The following BICRA variants were observed in gnomAD, a reference collection of about 807,000 sequenced individuals.
BICRA encodes the protein BRD4-interacting chromatin-remodeling complex-associated protein.
Under a neutral mutation model 96.9 loss-of-function variants are expected in BICRA, and 31 were observed. The ratio of observed to expected loss-of-function variants is 0.32; its 90% CI spans 0.24 to 0.43. The LOEUF (loss-of-function observed/expected upper bound fraction) is 0.43, where lower values mean the gene tolerates loss of function less well. Among genes scored for constraint, BICRA ranks in the 20% least tolerant of loss-of-function variants. The pLI is 1.00. For synonymous variants in BICRA, 1,350 were observed against 1,071.8 expected, an observed-to-expected ratio of 1.26 and a Z score of -5.07; for missense variants, 2,283 against 2,190.3, an observed-to-expected ratio of 1.04 and a Z score of -0.84.
At chr19:47,653,135 G>A (rs1018708824) in intron 1 of BICRA, among the ~76,000 whole-genome samples, 4 of 146,942 alleles carry the variant, frequency 2.7e-5, no homozygotes, top group African/African-American at 7.6e-5. Context: ...GCGATCCTCC[G>A]ACCTCAGACT....
rs1026192616 is a variant in BICRA, at chr19:47,657,966, C to A, written c.-107-12477C>A. Among the ~76,000 whole-genome samples, 3 of 151,704 alleles carry A rather than the reference C, an allele frequency of 2.0e-5. No homozygotes were observed. In the South Asian group the frequency reaches 6.2e-4, roughly 32 times the overall value. On this transcript the variant is annotated intron_variant, in intron 1 of 14. Transcript: ENST00000594866. ...TCCCTGAGTCTGTTTTGCTAGGGAACCTCTGATTCTCTTGACCTTCCCCTC... is the reference window on the plus strand; with the variant it reads ...TCCCTGAGTCTGTTTTGCTAGGGAAACTCTGATTCTCTTGACCTTCCCCTC...
Position 47,701,728 on chromosome 19 carries a change from GC to G in BICRA, c.4001del (p.Pro1334ArgfsTer26). 1.3e-6 allele frequency: 2 copies of G among 1,573,148 alleles called. No individual in the cohort carries two copies. Among genetic ancestry groups the G allele is most frequent in the Non-Finnish European group, 1.7e-6 (2 of 1,159,442 alleles). On this transcript the variant is annotated frameshift_variant, in exon 15 of 15. Transcript: ENST00000594866. LOFTEE classifies it high-confidence loss of function. This position sits in a 1 kb window ranked among gnomAD's most constrained non-coding sequence, Gnocchi z 5.4. ...HNTALDPVHQ[P>X]PPPPATLKVA... ...ACACGGCCCTGGACCCCGTGCACCA[GC>G]CCCCGCCACCCCCCGCTACCCTCAA... is the stretch of plus-strand genomic sequence containing the variant.
chr19:47,674,448 T>C (rs1020637961), intron 4 of BICRA, among the ~76,000 whole-genome samples: 1 of 152,208 alleles, frequency 6.6e-6, no homozygotes, highest in Non-Finnish European at 1.5e-5. Flanking sequence ...TGGGGAAAAG[T>C]AGAAGTCTGT....
chr19:47,680,483 A>G lies in BICRA; in HGVS notation c.1313A>G (p.Gln438Arg). 6.5e-7 allele frequency: 1 copy of G among 1,542,136 alleles called. No individual in the cohort carries two copies. Among genetic ancestry groups the G allele is most frequent in the Non-Finnish European group, 8.7e-7 (1 of 1,145,520 alleles). ...PATTTGAAPP[Q>R]PPGALSKPMS... ...ACCACCACCGGAGCGGCCCCGCCGC[A>G]GCCCCCCGGGGCCCTGAGCAAACCC... The change falls in exon 6 of 15, where the codon CAG (glutamine) becomes CGG (arginine). Residue 438 changes from glutamine (Q) to arginine (R), a missense_variant. Coordinates refer to ENST00000594866, the MANE Select transcript of BICRA (RefSeq NM_001394372.1).
chr19:47,659,712 AC>A (rs1568560921), intron 1 of BICRA, among the ~76,000 whole-genome samples: 2 of 147,942 alleles, frequency 1.4e-5, no homozygotes, highest in African/African-American at 5.0e-5. Context: ...ACACACACAC[AC>A]ACACACACAC....
intron 6 of BICRA, among the ~76,000 whole-genome samples, chr19:47,681,769 G>T (rs1156311547): frequency 6.6e-6 from 1 of 152,144 alleles, no homozygotes; most frequent in Non-Finnish European, 1.5e-5. Context: ...GCAGGGCAAC[G>T]TGGAGCTGGC....
chr19:47,671,395 T>C (rs1972859561), intron 2 of BICRA, among the ~76,000 whole-genome samples: 1 of 152,122 alleles, frequency 6.6e-6, no homozygotes, highest in South Asian at 2.1e-4. Context: ...TCAGTGAGGT[T>C]TGGGACCCCC....
In BICRA at chr19:47,701,716, C is replaced by T. The variant is rs1202389739; in HGVS notation, c.3984C>T (p.Asp1328=). 6.3e-6 allele frequency: 10 copies of T among 1,592,312 alleles called. No homozygotes were observed. The highest frequency in any genetic ancestry group is 8.5e-6 in the Non-Finnish European group (10 of 1,170,124). ...AGGTCGTGCACAACACGGCCCTGGA[C>T]CCCGTGCACCAGCCCCCGCCACCCC... ...LSKVVHNTAL[D]PVHQPPPPPA... Residue 1328 remains aspartate (D), a synonymous_variant, in exon 15 of 15, where the codon GAC becomes GAT. Transcript: ENST00000594866. The surrounding 1 kb of genome is among the most constrained non-coding windows in gnomAD (Gnocchi z 5.4).
intron 1 of BICRA, among the ~76,000 whole-genome samples, chr19:47,668,993 A>G (rs1234329424): frequency 1.3e-5 from 2 of 151,840 alleles, no homozygotes; most frequent in African/African-American, 2.4e-5. Flanking sequence ...TATCCCAGCT[A>G]CTCAGGAGGC....
Position 47,695,356 on chromosome 19 carries a change from C to A in BICRA, c.3077-9C>A. The A allele has an allele frequency of 3.6e-6, 3 of 844,910 alleles. No individual in the cohort carries two copies. The highest frequency in any genetic ancestry group is 3.3e-5 in the South Asian group (2 of 61,142). 52.3% of individuals were successfully genotyped at this position (844,910 alleles called of 1,614,324 possible). ...CAGGCCCTGTCTCCCCCACCCCACC[C>A]ACCCCCAGGCCTCCCTCCTCTGCTT... On this transcript the variant is annotated splice_polypyrimidine_tract_variant and intron_variant, in intron 9 of 14. Transcript: ENST00000594866.
chr19:47,634,756 ATTT>A (rs57492096), intron 1 of BICRA, among the ~76,000 whole-genome samples: 2 of 120,290 alleles, frequency 1.7e-5, no homozygotes. Context: ...TTAAAATTAA[ATTT>A]TTTTTTTTTT....
At chr19:47,648,961 C>T (rs948605509) in intron 1 of BICRA, among the ~76,000 whole-genome samples, 2 of 151,598 alleles carry the variant, frequency 1.3e-5, no homozygotes, top group Non-Finnish European at 2.9e-5. Flanking sequence ...ACGCCATTCT[C>T]CTGCCTCAGC....
chr19:47,698,586 T>TCCCCCCC lies in BICRA; in HGVS notation c.3249-47_3249-41dup. Reference sequence around the variant, plus strand: ...AGGGACTTCCCCTGGCCCTCACCCGTCCCCCCCACCCTCCGCCGTGTGTGG... The same window carrying TCCCCCCC: ...AGGGACTTCCCCTGGCCCTCACCCGTCCCCCCCCCCCCCCACCCTCCGCCGTGTGTGG... On this transcript the variant is annotated intron_variant, in intron 11 of 14. Coordinates refer to ENST00000594866, the MANE Select transcript of BICRA (RefSeq NM_001394372.1). This position sits in a 1 kb window ranked among gnomAD's most constrained non-coding sequence, Gnocchi z 4.8. 7.0e-6 allele frequency: 5 copies of TCCCCCCC among 716,706 alleles called. No individual in the cohort carries two copies. The highest frequency in any genetic ancestry group is 7.6e-6 in the Non-Finnish European group (3 of 392,848). The allele number at this position is 716,706 out of a possible 1,614,324, so 44.4% of individuals were successfully genotyped here.
chr19:47,608,936 T>A (rs867749692), upstream of BICRA, among the ~76,000 whole-genome samples: 3 of 143,830 alleles, frequency 2.1e-5, no homozygotes, highest in African/African-American at 7.6e-5. Flanking sequence ...TAAAAAAAAT[T>A]TTTTTTTTTT....
At chr19:47,697,012 G>GA (rs576866844) in intron 11 of BICRA, among the ~76,000 whole-genome samples, 4 of 9,434 alleles carry the variant, frequency 4.2e-4, no homozygotes, top group East Asian at 0.25. Context: ...TTTTGTTTTA[G>GA]GGGGGGTTCT....
chr19:47,667,760 C>T (rs1324870529), intron 1 of BICRA, among the ~76,000 whole-genome samples: 1 of 152,216 alleles, frequency 6.6e-6, no homozygotes, highest in African/African-American at 2.4e-5. Flanking sequence ...TCCGAAGCAT[C>T]CCAGGCATTC....
rs1475582307 is a variant in BICRA, at chr19:47,681,141, C to T, written c.1971C>T (p.Ala657=). The part of the protein sequence containing the change: ...PPQAPTPQAA[A]PPQATTPQPS... ...AGGCCCCCACCCCACAGGCCGCCGC[C>T]CCGCCTCAGGCCACCACCCCCCAGC... The change falls in exon 6 of 15, where the codon GCC becomes GCT. Residue 657 remains alanine, a synonymous_variant. Coordinates refer to ENST00000594866, the MANE Select transcript of BICRA (RefSeq NM_001394372.1). 6.6e-7 allele frequency: 1 copy of T among 1,513,700 alleles called. No homozygotes were observed. Among genetic ancestry groups the T allele is most frequent in the Admixed American group, 2.0e-5 (1 of 50,402 alleles). 93.8% of individuals were successfully genotyped at this position (1,513,700 alleles called of 1,614,324 possible).
At chr19:47,692,167 T>C (rs1468798271) in intron 7 of BICRA, among the ~76,000 whole-genome samples, 1 of 152,134 alleles carries the variant, frequency 6.6e-6, no homozygotes, top group Non-Finnish European at 1.5e-5. Context: ...TTTGAGTCAT[T>C]TCTCCTTTTC....
chr19:47,681,212 A>T lies in BICRA; in HGVS notation c.2042A>T (p.Gln681Leu). The T allele has an allele frequency of 6.5e-7, 1 of 1,531,430 alleles. No individual in the cohort carries two copies. Among genetic ancestry groups the T allele is most frequent in the Non-Finnish European group, 8.7e-7 (1 of 1,143,646 alleles). The allele number at this position is 1,531,430 out of a possible 1,614,324, so 94.9% of individuals were successfully genotyped here. The change falls in exon 6 of 15, where the codon CAG (glutamine) becomes CTG (leucine). Residue 681 changes from glutamine (Q) to leucine (L), a missense_variant. Gln to Leu is a moderately radical substitution (Grantham distance 113). Transcript: ENST00000594866. ...AGCCCGGAGAAGATCGTCCTGGGGC[A>T]GCCGCCCTCTGCCACCCCCACGGCC... is the stretch of plus-strand genomic sequence containing the variant. ...ASSPEKIVLG[Q>L]PPSATPTAIL... is the part of the protein sequence containing the mutation.
Sources: allele counts gnomAD v4.1 joint callset (sites outside exome capture counted in the v4.1 genomes callset), GRCh38; gene constraint gnomAD v4.1.1; non-coding constraint Gnocchi (gnomAD v3.1); transcripts MANE v1.5; gene names NCBI Gene and HGNC (gene_info 2026-07-23, HGNC 2026-07-21).